SLC12A2: variants seen among roughly 807,000 people sequenced by gnomAD.
SLC12A2 encodes the protein solute carrier family 12 member 2.
Under a neutral mutation model 136.3 loss-of-function variants are expected in SLC12A2, and 67 were observed. The ratio of observed to expected loss-of-function variants is 0.49; its 90% CI spans 0.40 to 0.60. SLC12A2 has a LOEUF of 0.60. Ranked by LOEUF, SLC12A2 falls within the 20% of genes least tolerant of loss-of-function variation. SLC12A2 has a pLI of 0.00. For synonymous variants in SLC12A2, 619 were observed against 562.9 expected (o/e 1.10, Z -1.41); for missense variants, 1,322 against 1,534.7 (o/e 0.86, Z 2.32).
rs142506966 is a variant in SLC12A2, at chr5:128,142,741, T to C, written c.1773+760T>C. On this transcript the variant is annotated intron_variant, in intron 10 of 26. Coordinates refer to ENST00000262461, the MANE Select transcript of SLC12A2 (RefSeq NM_001046.3). ...TTAAATGATAAGTTTTGAGGTCAGGTAGATTAATTCCTCCCATTTTAGCCT... is the reference window on the plus strand; with the variant it reads ...TTAAATGATAAGTTTTGAGGTCAGGCAGATTAATTCCTCCCATTTTAGCCT... Among the ~76,000 whole-genome samples, 276 of 152,268 alleles carry C rather than the reference T, an allele frequency of 1.8e-3. 1 individual carries two copies. Among genetic ancestry groups the C allele is most frequent in the African/African-American group, 6.1e-3 (254 of 41,554 alleles).
In SLC12A2 at chr5:128,147,670, T is replaced by C. The variant is rs774841235; in HGVS notation, c.1822T>C (p.Phe608Leu). 6.2e-7 allele frequency: 1 copy of C among 1,610,396 alleles called. No homozygotes were observed. The highest frequency in any genetic ancestry group is 1.7e-5 in the Admixed American group (1 of 59,860). Residue 608 changes from phenylalanine to leucine, a missense_variant, in exon 11 of 27, where the codon TTT (phenylalanine) becomes CTT (leucine). Physicochemically the swap from Phe to Leu is conservative, Grantham distance 22. This residue lies in a region of SLC12A2 where 294 missense variants were observed against 436.6 expected (regional missense o/e 0.67). Coordinates refer to ENST00000262461, the MANE Select transcript of SLC12A2 (RefSeq NM_001046.3). ...GFTPLISAGIFSATLSSALAS... is the reference protein window; with the variant it reads ...GFTPLISAGILSATLSSALAS... ...TACACCACTAATTTCTGCAGGTATA[T>C]TTTCAGCCACTCTTTCTTCAGCATT... is the stretch of plus-strand genomic sequence containing the variant.
chr5:128,122,954 A>T (rs2126683927), intron 4 of SLC12A2, among the ~76,000 whole-genome samples: 1 of 152,200 alleles, frequency 6.6e-6, no homozygotes, highest in Non-Finnish European at 1.5e-5. Flanking sequence ...TATTAAATTT[A>T]ACATAACTTT....
At chr5:128,171,814 C>A (rs1482528570) in intron 19 of SLC12A2, 68 bp downstream of exon 19, 7 of 912,534 alleles carry the variant, frequency 7.7e-6, no homozygotes, top group South Asian at 1.5e-5. Flanking sequence ...AAATTATATT[C>A]TCACAAACTG....
At position 128,180,995 on chromosome 5, in the gene SLC12A2, G is replaced by A. The variant is rs1197640923; in HGVS notation, c.3212+1G>A. On this transcript the variant is annotated splice_donor_variant, in intron 23 of 26. Coordinates refer to ENST00000262461, the MANE Select transcript of SLC12A2 (RefSeq NM_001046.3). LOFTEE classifies it high-confidence loss of function. Reference sequence around the variant, plus strand: ...ACAGAATAGACCATGACCGGAGAGCGTAAGTTTATTTCACATTGAAGGGCA... The same window carrying A: ...ACAGAATAGACCATGACCGGAGAGCATAAGTTTATTTCACATTGAAGGGCA... 3 of 1,543,104 alleles carry A rather than the reference G, an allele frequency of 1.9e-6. No individual in the cohort carries two copies. The highest frequency in any genetic ancestry group is 1.8e-6 in the Non-Finnish European group (2 of 1,116,280).
intron 17 of SLC12A2, among the ~76,000 whole-genome samples, chr5:128,166,672 A>G (rs988844626): frequency 2.6e-5 from 4 of 152,090 alleles, no homozygotes; most frequent in African/African-American, 9.7e-5. Context: ...GGGATGGGTG[A>G]TTATTAAGGG....
chr5:128,128,146 T>C (rs1191777878), intron 4 of SLC12A2, among the ~76,000 whole-genome samples: 1 of 152,208 alleles, frequency 6.6e-6, no homozygotes, highest in Admixed American at 6.5e-5. Flanking sequence ...AATATAGTTC[T>C]GTTGTGGTCA....
chr5:128,127,085 TGA>T (rs1306546532), intron 4 of SLC12A2, among the ~76,000 whole-genome samples: 1 of 146,182 alleles, frequency 6.8e-6, no homozygotes, highest in East Asian at 2.0e-4. Flanking sequence ...TAACAATTTT[TGA>T]GTATGATCAT....
Position 128,084,495 on chromosome 5 carries a change from G to C in SLC12A2, c.541G>C (p.Glu181Gln), listed in dbSNP as rs771385419. ...GAACGGCGGGGACACGGTGCTGAGC[G>C]AGGGCAGCAGCCTGCACTCCGGCGG... ...FQNGGDTVLS[E>Q]GSSLHSGGGG... Residue 181 changes from glutamate (E) to glutamine (Q), a missense_variant, in exon 1 of 27, where the codon GAG becomes CAG. By Grantham distance (29) the Glu-to-Gln change is conservative. Coordinates refer to ENST00000262461, the MANE Select transcript of SLC12A2 (RefSeq NM_001046.3). This position sits in a 1 kb window ranked among gnomAD's most constrained non-coding sequence, Gnocchi z 5.6. 1 of 1,612,110 alleles carries C rather than the reference G, an allele frequency of 6.2e-7. No individual in the cohort carries two copies. Among genetic ancestry groups the C allele is most frequent in the Non-Finnish European group, 8.5e-7 (1 of 1,179,556 alleles).
At chr5:128,154,825 A>G (rs938974693) in intron 15 of SLC12A2, among the ~76,000 whole-genome samples, 3 of 152,214 alleles carry the variant, frequency 2.0e-5, no homozygotes, top group Admixed American at 1.3e-4. Flanking sequence ...GTGCAGCAGC[A>G]AAACTAGCAT....
At position 128,084,172 on chromosome 5, in the gene SLC12A2, G is replaced by T. The variant is rs1759948096; in HGVS notation, c.218G>T (p.Gly73Val). The T allele has an allele frequency of 3.1e-6, 4 of 1,296,064 alleles. No homozygotes were observed. Among genetic ancestry groups the T allele is most frequent in the Non-Finnish European group, 2.9e-6 (3 of 1,030,286 alleles). 80.3% of individuals were successfully genotyped at this position (1,296,064 alleles called of 1,614,324 possible). ...AAGDGLGRPL[G>V]PTPSQSRFQV... ...GGGGACGGGCTGGGCAGACCCTTGGGGCCCACCCCGAGCCAGAGCCGTTTC... is the reference window on the plus strand; with the variant it reads ...GGGGACGGGCTGGGCAGACCCTTGGTGCCCACCCCGAGCCAGAGCCGTTTC... The change falls in exon 1 of 27, where the codon GGG becomes GTG. Residue 73 changes from glycine to valine, a missense_variant. Physicochemically the swap from Gly to Val is moderately radical, Grantham distance 109. This residue lies in a region of SLC12A2 where 358 missense variants were observed against 299.7 expected (regional missense o/e 1.19). Transcript: ENST00000262461. This position sits in a 1 kb window ranked among gnomAD's most constrained non-coding sequence, Gnocchi z 5.6.
At chr5:128,145,958 A>G (rs1762517660) in intron 10 of SLC12A2, among the ~76,000 whole-genome samples, 1 of 151,954 alleles carries the variant, frequency 6.6e-6, no homozygotes, top group African/African-American at 2.4e-5. Context: ...TTATAATACC[A>G]TTCACAGCTG....
rs930909043 is a variant in SLC12A2 at position 128,135,088 on chromosome 5, C to T, written c.1300-612C>T. ...ATTAGCATGTATGTAGTTCCATTTC[C>T]CACAGATGACACCGTTTTTCATGAG... On this transcript the variant is annotated intron_variant, in intron 6 of 26. Coordinates refer to ENST00000262461, the MANE Select transcript of SLC12A2 (RefSeq NM_001046.3). Among the ~76,000 whole-genome samples the T allele has an allele frequency of 7.9e-5, 12 of 152,082 alleles. No individual in the cohort carries two copies. In the South Asian group the frequency reaches 2.3e-3, roughly 29 times the overall value.
At chr5:128,097,355 A>T (rs2409110) in intron 1 of SLC12A2, among the ~76,000 whole-genome samples, 125,195 of 152,052 alleles carry the variant, frequency 0.82, 52,207 homozygotes, top group African/African-American at 0.95. Context: ...ATCAGTTTCC[A>T]ATGCTGCCTA....
chr5:128,112,723 T>C, intron 1 of SLC12A2, 91 bp from the exon 2 acceptor site: 1 of 961,694 alleles, frequency 1.0e-6, no homozygotes, highest in Non-Finnish European at 1.5e-6. Flanking sequence ...CCCTCTTAAA[T>C]ATGGTTAGAT....
intron 4 of SLC12A2, among the ~76,000 whole-genome samples, chr5:128,128,891 G>T (rs1235892492): frequency 6.6e-6 from 1 of 151,206 alleles, no homozygotes; most frequent in Non-Finnish European, 1.5e-5. Context: ...AGAAGTAATA[G>T]ATGATGTGCA....
chr5:128,158,195 T>G, intron 16 of SLC12A2, 31 bp downstream of exon 16: 2 of 1,496,208 alleles, frequency 1.3e-6, no homozygotes, highest in East Asian at 4.6e-5. Flanking sequence ...CTTTTTCAAG[T>G]TTTTTTTTAA....
At chr5:128,119,782 C>G (rs1318316270) in intron 4 of SLC12A2, among the ~76,000 whole-genome samples, 1 of 152,182 alleles carries the variant, frequency 6.6e-6, no homozygotes, top group Non-Finnish European at 1.5e-5. Context: ...CATTACCATT[C>G]AGGACATAGG....
chr5:128,112,417 T>C (rs139618995), intron 1 of SLC12A2, among the ~76,000 whole-genome samples: 5 of 152,320 alleles, frequency 3.3e-5, no homozygotes, highest in Admixed American at 6.5e-5. Flanking sequence ...TTGTTAATGT[T>C]GAAATTTCAG....
intron 10 of SLC12A2, among the ~76,000 whole-genome samples, chr5:128,145,117 G>A (rs1365139410): frequency 2.6e-5 from 4 of 151,982 alleles, no homozygotes; most frequent in African/African-American, 9.7e-5. Context: ...ATTATAGCAG[G>A]CCCCAAAACA....
Sources: allele counts gnomAD v4.1 joint callset (sites outside exome capture counted in the v4.1 genomes callset), GRCh38; gene constraint gnomAD v4.1.1; regional missense constraint gnomAD v4.1.1; non-coding constraint Gnocchi (gnomAD v3.1); transcripts MANE v1.5; gene names NCBI Gene and HGNC (gene_info 2026-07-23, HGNC 2026-07-21).